The following SPICE1 variants were observed in gnomAD, a reference collection of about 807,000 sequenced individuals.
SPICE1 encodes spindle and centriole associated protein 1, also known as spindle and centriole-associated protein 1.
In SPICE1, 75 loss-of-function variants were observed where a neutral mutation model predicts 102.7. The observed-to-expected ratio is 0.73, with a 90% CI of 0.61 to 0.88. SPICE1 has a LOEUF of 0.88. SPICE1 is among the 40% of genes least tolerant of loss of function. SPICE1 has a pLI of 0.00. For synonymous variants in SPICE1, 308 were observed against 350.3 expected (o/e 0.88, Z 1.35); for missense variants, 979 against 1,020.1 (o/e 0.96, Z 0.55).
rs1281349307 is a variant in SPICE1, at chr3:113,465,750, C to T, written c.1190G>A (p.Arg397Lys). Residue 397 changes from arginine to lysine, a missense_variant, in exon 11 of 18, where the codon AGG (arginine) becomes AAG (lysine). Coordinates refer to ENST00000295872, the MANE Select transcript of SPICE1 (RefSeq NM_144718.4). ...EIQLRKEVETRQQLEQVLGDH... is the reference protein window; with the variant it reads ...EIQLRKEVETKQQLEQVLGDH... ...ACCTAATACTTGTTCCAGTTGTTGC[C>T]TTGTCTCTACTTCTTTACGTAGCTG... 2.5e-6 allele frequency: 4 copies of T among 1,613,666 alleles called. No individual in the cohort carries two copies. The highest frequency in any genetic ancestry group is 2.5e-6 in the Non-Finnish European group (3 of 1,179,832).
At chr3:113,511,608 A>G (rs896175057) in intron 1 of SPICE1, among the ~76,000 whole-genome samples, 20 of 152,164 alleles carry the variant, frequency 1.3e-4, no homozygotes, top group Non-Finnish European at 2.9e-4. Context: ...GGGGCCTGTC[A>G]GATGGCAGGG....
intron 12 of SPICE1, among the ~76,000 whole-genome samples, chr3:113,458,627 C>T (rs1935843219): frequency 6.6e-6 from 1 of 152,212 alleles, no homozygotes. Flanking sequence ...CTCTGCCCGG[C>T]CGCCACCCCG....
chr3:113,458,605 C>T lies in SPICE1; in HGVS notation c.1436-1248G>A, dbSNP rs189581638. Among the ~76,000 whole-genome samples, 1,252 of 152,246 alleles carry T rather than the reference C, an allele frequency of 8.2e-3. 21 individuals carry two copies. The highest frequency in any genetic ancestry group is 0.029 in the African/African-American group (1,189 of 41,544). ...CACCTGCCTTGGCCTCCCAAAGTGC[C>T]GAGATTGCAGCCTCTGCCCGGCCGC... On this transcript the variant is annotated intron_variant, in intron 12 of 17. Transcript: ENST00000295872.
chr3:113,514,755 C>T, intron 1 of SPICE1, 142 bp downstream of exon 1: 12 of 1,288,452 alleles, frequency 9.3e-6, no homozygotes, highest in Non-Finnish European at 1.1e-5. Context: ...TCCTGCTACA[C>T]GGTGAACTCC....
At chr3:113,494,673 A>G (rs1936842171) in intron 4 of SPICE1, among the ~76,000 whole-genome samples, 1 of 152,042 alleles carries the variant, frequency 6.6e-6, no homozygotes. Context: ...AATATTCACA[A>G]TTGTGACCCA....
intron 12 of SPICE1, chr3:113,460,123 G>A: frequency 2.0e-6 from 2 of 985,404 alleles, no homozygotes; most frequent in Non-Finnish European, 2.4e-6. Flanking sequence ...GATGGCACAT[G>A]AGATGAAGGA....
At position 113,445,379 on chromosome 3, in the gene SPICE1, G is replaced by C; in HGVS notation, c.2515-19C>G. 6.2e-7 allele frequency: 1 copy of C among 1,610,674 alleles called. No homozygotes were observed. Among genetic ancestry groups the C allele is most frequent in the Non-Finnish European group, 8.5e-7 (1 of 1,177,896 alleles). On this transcript the variant is annotated intron_variant, in intron 17 of 17. Transcript: ENST00000295872. Reference sequence around the variant, plus strand: ...TCTCAATCTGTTGAACAAAGACACGGAAAAAATTTAGATGGTAATTAGAAA... The same window carrying C: ...TCTCAATCTGTTGAACAAAGACACGCAAAAAATTTAGATGGTAATTAGAAA...
At position 113,503,227 on chromosome 3, in the gene SPICE1, T is replaced by C; in HGVS notation, c.100A>G (p.Asn34Asp). The part of the protein sequence containing the change: ...KKTSVKQEWD[N>D]TVTDLTVHRA... ...TGAACGGTTAGATCAGTCACGGTAT[T>C]CTGTAAAAAAAGGTGGCCTTTCTTT... is the stretch of plus-strand genomic sequence containing the variant. The change falls in exon 3 of 18, where the codon AAT becomes GAT. Residue 34 changes from asparagine to aspartate, a missense_variant and splice_region_variant. Transcript: ENST00000295872. 1.3e-6 allele frequency: 2 copies of C among 1,576,582 alleles called. No homozygotes were observed. Among genetic ancestry groups the C allele is most frequent in the African/African-American group, 1.4e-5 (1 of 72,450 alleles).
rs928805188 is a variant in SPICE1 at position 113,453,648 on chromosome 3, G to A, written c.1960C>T (p.Gln654Ter). Reference sequence around the variant, plus strand: ...AATGACTCATTTGTTCTCAGCTGCTGCCCATCTCCCAGTACTGGGAGCTCT... The same window carrying A: ...AATGACTCATTTGTTCTCAGCTGCTACCCATCTCCCAGTACTGGGAGCTCT... ...SEELPVLGDG[Q>*]QLRTNESLIQ... is the part of the protein sequence containing the mutation. Residue 654 changes from glutamine to a stop codon, truncating the protein, a stop_gained, in exon 14 of 18, where the codon CAG becomes TAG. Coordinates refer to ENST00000295872, the MANE Select transcript of SPICE1 (RefSeq NM_144718.4). LOFTEE classifies it high-confidence loss of function. The A allele has an allele frequency of 6.2e-6, 10 of 1,614,130 alleles. No homozygotes were observed. Among genetic ancestry groups the A allele is most frequent in the Non-Finnish European group, 7.6e-6 (9 of 1,180,026 alleles).
chr3:113,514,636 C>T (rs1302289540), intron 1 of SPICE1: 1 of 532,864 alleles, frequency 1.9e-6, no homozygotes, highest in Middle Eastern at 3.1e-4. Context: ...GGGTTAACTT[C>T]CACGGACTCC....
intron 4 of SPICE1, among the ~76,000 whole-genome samples, chr3:113,498,660 C>A (rs1409454089): frequency 6.6e-6 from 1 of 152,118 alleles, no homozygotes; most frequent in Non-Finnish European, 1.5e-5. Context: ...CAATAAGAAG[C>A]CTAACAAATT....
At chr3:113,483,705 C>G (rs1335609944) in intron 7 of SPICE1, among the ~76,000 whole-genome samples, 1 of 152,180 alleles carries the variant, frequency 6.6e-6, no homozygotes, top group Non-Finnish European at 1.5e-5. Context: ...GCTGAACCAG[C>G]CTTGCATCCC....
At chr3:113,480,899 G>A (rs1297057862) in intron 7 of SPICE1, among the ~76,000 whole-genome samples, 1 of 14,958 alleles carries the variant, frequency 6.7e-5, no homozygotes, top group Admixed American at 5.0e-4. Context: ...AAATAACAAT[G>A]ATTTTAAAAA....
chr3:113,448,188 A>G, intron 15 of SPICE1, 48 bp from the exon 16 acceptor site: 1 of 1,477,126 alleles, frequency 6.8e-7, no homozygotes, highest in Non-Finnish European at 9.1e-7. Context: ...CAATGAAATA[A>G]AAATTTCACT....
intron 7 of SPICE1, among the ~76,000 whole-genome samples, chr3:113,476,884 T>A (rs1231964325): frequency 2.0e-5 from 3 of 152,118 alleles, no homozygotes; most frequent in East Asian, 3.9e-4. Context: ...GGCAAGGACT[T>A]CATGTCTAAA....
intron 2 of SPICE1, among the ~76,000 whole-genome samples, chr3:113,505,880 T>C (rs1937098717): frequency 6.6e-6 from 1 of 152,120 alleles, no homozygotes; most frequent in African/African-American, 2.4e-5. Context: ...CACTCCAGCC[T>C]GGGTGACAGG....
At chr3:113,503,145 T>A in intron 3 of SPICE1, 35 bp downstream of exon 3, 1 of 1,592,938 alleles carries the variant, frequency 6.3e-7, no homozygotes, top group South Asian at 1.1e-5. Flanking sequence ...AATAAAACAC[T>A]GAATAAATGA....
At chr3:113,496,158 C>G (rs1936880654) in intron 4 of SPICE1, among the ~76,000 whole-genome samples, 1 of 148,872 alleles carries the variant, frequency 6.7e-6, no homozygotes, top group Non-Finnish European at 1.5e-5. Context: ...CAATGTGCCC[C>G]AGGGAAGCCA....
intron 14 of SPICE1, 63 bp from the exon 15 acceptor site, chr3:113,450,579 A>ATT (rs764682551): frequency 1.4e-3 from 1,664 of 1,209,262 alleles, no homozygotes; most frequent in South Asian, 1.6e-3. Context: ...CTCTCCCACG[A>ATT]TTTTTTTTTT....
Sources: gnomAD v4.1 joint callset for allele counts (sites outside exome capture counted in the v4.1 genomes callset) on GRCh38, gnomAD v4.1.1 for gene constraint, MANE v1.5 for transcripts, NCBI Gene and HGNC (gene_info 2026-07-23, HGNC 2026-07-21) for gene names.